Variants in SPRY3 observed in about 807,000 individuals in gnomAD.
SPRY3 encodes the protein sprouty RTK signaling antagonist 3.
Under a neutral mutation model 20.2 loss-of-function variants are expected in SPRY3, and 15 were observed. That is an observed-to-expected ratio of 0.74 (90% CI 0.50 to 1.14). SPRY3 has a LOEUF of 1.14. SPRY3 is among the 50% of genes most tolerant of loss of function. The probability of loss-of-function intolerance (pLI) is 0.00; values close to 1 mark genes in which losing one functional copy is unlikely to be tolerated. For missense variants in SPRY3, 364 were observed against 363.9 expected (o/e 1.00, Z 0.00); for synonymous variants, 143 against 136.5 (o/e 1.05, Z -0.33).
intron 2 of SPRY3, among the ~76,000 whole-genome samples, chrX:155,698,698 G>A (rs971171805): frequency 8.9e-6 from 1 of 111,942 alleles, no homozygotes; most frequent in Non-Finnish European, 1.9e-5. Flanking sequence ...AGTAATGGAT[G>A]CTGAGAAGCA....
chrX:155,687,989 G>A (rs1040935315), intron 2 of SPRY3, among the ~76,000 whole-genome samples: 1 of 110,232 alleles, frequency 9.1e-6, no homozygotes, highest in Admixed American at 9.6e-5. Context: ...TCCCATCACC[G>A]AGGTATTAAG....
At chrX:155,699,996 A>G (rs1169707528) in intron 2 of SPRY3, among the ~76,000 whole-genome samples, 2 of 100,500 alleles carry the variant, frequency 2.0e-5, no homozygotes, top group Admixed American at 1.1e-4. Context: ...TTTTTTGTAT[A>G]TATGTTAAGG....
chrX:155,742,212 T>C (rs2124574117), intron 2 of SPRY3, among the ~76,000 whole-genome samples: 1 of 152,072 alleles, frequency 6.6e-6, no homozygotes, highest in South Asian at 2.1e-4. Context: ...TCTGACAAAA[T>C]AGATTTTAGA....
rs2091084952 is a variant in SPRY3 at position 155,724,602 on chromosome X, G to C, written c.-281-43360G>C. On this transcript the variant is annotated intron_variant, in intron 2 of 3. Transcript: ENST00000675360. ...GAGTTCCCTCATGATTTGGCTCTCT[G>C]TTTGTCTGTTATTGGTGTATAAGAA... Among the ~76,000 whole-genome samples the C allele has an allele frequency of 2.6e-5, 4 of 152,216 alleles. No individual in the cohort carries two copies. The South Asian group carries it at 8.3e-4, about 32-fold the overall frequency.
At chrX:155,767,755 AGAGAGGAGGAGGAG>A (rs2091348877) in intron 2 of SPRY3, 193 bp from the exon 2 acceptor site, 2 of 143,624 alleles carry the variant, frequency 1.4e-5, no homozygotes, top group Admixed American at 7.0e-5. Context: ...GGAGGAGGAG[AGAGAGGAGGAGGAG>A]GAGAAAGAGG....
chrX:155,657,451 G>A (rs2067995680), intron 2 of SPRY3, among the ~76,000 whole-genome samples: 1 of 111,827 alleles, frequency 8.9e-6, no homozygotes. Context: ...AGTAATGGCA[G>A]ATGCCCCCCG....
intron 2 of SPRY3, among the ~76,000 whole-genome samples, chrX:155,727,528 C>T (rs2091106617): frequency 6.6e-6 from 1 of 152,072 alleles, no homozygotes; most frequent in South Asian, 2.1e-4. Flanking sequence ...ATCTTGTCTT[C>T]TCACTTTATT....
intron 2 of SPRY3, among the ~76,000 whole-genome samples, chrX:155,693,898 G>A (rs1175757541): frequency 8.9e-6 from 1 of 111,995 alleles, no homozygotes; most frequent in Non-Finnish European, 1.9e-5. Flanking sequence ...CAACTCGTGG[G>A]CTCAAGTGAT....
chrX:155,656,429 TG>T (rs1220452179), intron 1 of SPRY3, among the ~76,000 whole-genome samples: 3 of 111,154 alleles, frequency 2.7e-5, no homozygotes, highest in Non-Finnish European at 5.6e-5. Flanking sequence ...GTTCTTGTGC[TG>T]TGTTTTTCAG....
chrX:155,709,673 T>A (rs1434712737), intron 2 of SPRY3, among the ~76,000 whole-genome samples: 1 of 151,850 alleles, frequency 6.6e-6, no homozygotes, highest in Non-Finnish European at 1.5e-5. Flanking sequence ...CTTGATGTGA[T>A]CCCAGTTTTC....
intron 1 of SPRY3, among the ~76,000 whole-genome samples, chrX:155,648,513 A>G (rs1237227807): frequency 8.9e-6 from 1 of 112,708 alleles, no homozygotes; most frequent in Non-Finnish European, 1.9e-5. Flanking sequence ...AGTTTTCTGC[A>G]TATGGCTAGC....
chrX:155,655,651 C>T (rs1384667101), intron 1 of SPRY3, among the ~76,000 whole-genome samples: 4 of 111,138 alleles, frequency 3.6e-5, no homozygotes, highest in African/African-American at 6.5e-5. Context: ...GTTGTGGATA[C>T]GTGGCTTTAT....
intron 1 of SPRY3, among the ~76,000 whole-genome samples, chrX:155,637,393 T>C (rs1557351140): frequency 9.0e-6 from 1 of 111,321 alleles, no homozygotes; most frequent in Non-Finnish European, 1.9e-5. Context: ...ACCACATTTA[T>C]GCTCTGCCTG....
At chrX:155,774,111 C>T (rs762283801) in exon 4 of SPRY3, 2 of 1,613,992 alleles carry the variant, frequency 1.2e-6, no homozygotes, top group African/African-American at 1.3e-5. Flanking sequence ...AGCATCTGAG[C>T]CAATCTAGCA....
chrX:155,640,294 A>G (rs1373145573), intron 1 of SPRY3, among the ~76,000 whole-genome samples: 2 of 112,501 alleles, frequency 1.8e-5, no homozygotes, highest in Non-Finnish European at 3.8e-5. Flanking sequence ...ACAATAAAAT[A>G]AGCTAGAGAA....
At chrX:155,747,599 T>A (rs306898) in intron 2 of SPRY3, among the ~76,000 whole-genome samples, 1 of 151,656 alleles carries the variant, frequency 6.6e-6, no homozygotes, top group African/African-American at 2.4e-5. Flanking sequence ...AGAAGTGCAT[T>A]CTCCTATTAC....
rs2091424824 is a variant in SPRY3, at chrX:155,776,221, C to T, written c.*1483C>T. The T allele has an allele frequency of 1.8e-5, 3 of 167,078 alleles. No individual in the cohort carries two copies. In the Admixed American group the frequency reaches 2.0e-4, roughly 11 times the overall value. The allele number at this position is 167,078 out of a possible 1,614,324, so 10.3% of individuals were successfully genotyped here. A position where few individuals can be genotyped will look rare whatever the true frequency, so the allele number is the denominator to read the frequency against. On this transcript the variant is annotated 3_prime_UTR_variant, in exon 4 of 4. Coordinates refer to ENST00000675360, the Ensembl canonical transcript of SPRY3. ...TTAACTATCAGGTGTTGAGGCTGCC[C>T]CCAGTGGACATCACCTTTGGCTCTG...
intron 2 of SPRY3, among the ~76,000 whole-genome samples, chrX:155,724,344 G>A (rs1480316833): frequency 1.3e-5 from 2 of 152,028 alleles, no homozygotes; most frequent in Admixed American, 1.3e-4. Flanking sequence ...AGCTCGATGG[G>A]GATGGCATTG....
In SPRY3 at chrX:155,689,811, A is replaced by G. The variant is rs761056387; in HGVS notation, c.-282+32786A>G. Among the ~76,000 whole-genome samples, 15 of 84,018 alleles carry G rather than the reference A, an allele frequency of 1.8e-4. 3 individuals carry two copies. The highest frequency in any genetic ancestry group is 2.8e-4 in the Non-Finnish European group (13 of 45,897). The allele number at this position is 84,018 out of a possible 115,157, so 73.0% of individuals were successfully genotyped here. On this transcript the variant is annotated intron_variant, in intron 2 of 3. Transcript: ENST00000675360. ...CTTTTGAATGGTTTCTCATGTCTCA[A>G]TCTTCTTCAGTTCAGCTCTGATTTT...
Sources: allele counts gnomAD v4.1 joint callset (sites outside exome capture counted in the v4.1 genomes callset), GRCh38; gene constraint gnomAD v4.1.1; transcripts MANE v1.5; gene names NCBI Gene and HGNC (gene_info 2026-07-23, HGNC 2026-07-21).